Variants in EGFLAM observed in about 807,000 individuals in gnomAD.
The protein encoded by EGFLAM is EGF like, fibronectin type III and laminin G domains.
EGFLAM carries 79 observed loss-of-function variants against 113.1 expected under a neutral mutation model. The observed-to-expected ratio is 0.70, with a 90% CI of 0.58 to 0.84. The LOEUF (loss-of-function observed/expected upper bound fraction) is 0.84, where lower values mean the gene tolerates loss of function less well. Ranked by LOEUF, EGFLAM falls within the 40% of genes least tolerant of loss-of-function variation. The pLI is 0.00. For missense variants in EGFLAM, 1,265 were observed against 1,291.6 expected (o/e 0.98, Z 0.32); for synonymous variants, 504 against 487.6 (o/e 1.03, Z -0.44).
chr5:38,403,907 C>T (rs145217235), intron 6 of EGFLAM: 27 of 1,613,706 alleles, frequency 1.7e-5, no homozygotes, highest in Middle Eastern at 3.3e-4. Context: ...AATCTGGCAT[C>T]GACAGGTTGA....
Position 38,452,954 on chromosome 5 carries a change from C to T in EGFLAM, c.2687+1496C>T, listed in dbSNP as rs141227233. Reference sequence around the variant, plus strand: ...AGCTTCCAAGGGGCAGGGCCTGTCTCGTGTAATATCAAAACACTTCTCTAG... The same window carrying T: ...AGCTTCCAAGGGGCAGGGCCTGTCTTGTGTAATATCAAAACACTTCTCTAG... On this transcript the variant is annotated intron_variant, in intron 19 of 21. Transcript: ENST00000322350. 4.7e-3 allele frequency among the ~76,000 whole-genome samples: 713 copies of T among 152,306 alleles called. 8 individuals are homozygous for T. Among genetic ancestry groups the T allele is most frequent in the African/African-American group, 0.016 (657 of 41,560 alleles).
At chr5:38,454,702 C>G (rs1329791937) in intron 19 of EGFLAM, among the ~76,000 whole-genome samples, 1 of 152,168 alleles carries the variant, frequency 6.6e-6, no homozygotes, top group Non-Finnish European at 1.5e-5. Context: ...ACAAATCGTT[C>G]TTGAGGTTTC....
chr5:38,375,362 G>A (rs1041890450), intron 6 of EGFLAM, among the ~76,000 whole-genome samples: 4 of 152,016 alleles, frequency 2.6e-5, no homozygotes, highest in Non-Finnish European at 2.9e-5. Context: ...CCCCATTCTC[G>A]TCCCTCTCAC....
At position 38,464,095 on chromosome 5, in the gene EGFLAM, C is replaced by T; in HGVS notation, c.*109C>T. On this transcript the variant is annotated 3_prime_UTR_variant, in exon 22 of 22. Coordinates refer to ENST00000322350, the MANE Select transcript of EGFLAM (RefSeq NM_152403.4). ...GAGGCCCAGGGACCAGGTGTGTTTC[C>T]TCTCACCAAGAAGAAAGTACACACT... 1 of 1,403,800 alleles carries T rather than the reference C, an allele frequency of 7.1e-7. No homozygotes were observed. Among genetic ancestry groups the T allele is most frequent in the Non-Finnish European group, 9.6e-7 (1 of 1,036,770 alleles). 87.0% of individuals were successfully genotyped at this position (1,403,800 alleles called of 1,614,324 possible).
rs17339367 is a variant in EGFLAM at position 38,338,659 on chromosome 5, C to A, written c.208-39C>A. 7 of 1,593,952 alleles carry A rather than the reference C, an allele frequency of 4.4e-6. No homozygotes were observed. The South Asian group carries it at 6.6e-5, about 15-fold the overall frequency. ...TACAACCTTTGATCTTACACAAGCA[C>A]GGGCTCTGCTCTCACCAGGGTGTCT... On this transcript the variant is annotated intron_variant, in intron 2 of 21. Coordinates refer to ENST00000322350, the MANE Select transcript of EGFLAM (RefSeq NM_152403.4).
rs931451971 is a variant in EGFLAM, at chr5:38,384,180, G to GA, written c.712+13724dup. Among the ~76,000 whole-genome samples, 11 of 151,948 alleles carry GA rather than the reference G, an allele frequency of 7.2e-5. 1 individual carries two copies. Among genetic ancestry groups the GA allele is most frequent in the South Asian group, 6.2e-4 (3 of 4,822 alleles). On this transcript the variant is annotated intron_variant, in intron 6 of 21. Transcript: ENST00000322350. ...GCTTTAAGGAGAACAGACATGAAAA[G>GA]AAAAAAGAGGTAGAGTGCCAAATGG...
intron 5 of EGFLAM, among the ~76,000 whole-genome samples, chr5:38,358,258 A>G (rs1739816428): frequency 6.6e-6 from 1 of 151,636 alleles, no homozygotes; most frequent in African/African-American, 2.4e-5. Context: ...AGCCTGGCTA[A>G]CACGATGAAA....
intron 8 of EGFLAM, 103 bp downstream of exon 8, chr5:38,407,249 A>G (rs1741320501): frequency 8.0e-7 from 1 of 1,249,634 alleles, no homozygotes. Context: ...TCCCTTCTCC[A>G]AGATAAGTAC....
At chr5:38,459,032 CT>C (rs896965081) in intron 20 of EGFLAM, among the ~76,000 whole-genome samples, 1 of 151,304 alleles carries the variant, frequency 6.6e-6, no homozygotes, top group African/African-American at 2.4e-5. Flanking sequence ...CTCCCTCTGG[CT>C]TTTTTTTGTT....
rs191207708 is a variant in EGFLAM, at chr5:38,330,171, A to G, written c.98-7349A>G. ...ACTATAATGCAAAGGCTGGAAAAATAAAAACTACATTTTCCAGACTATCTT... is the reference window on the plus strand; with the variant it reads ...ACTATAATGCAAAGGCTGGAAAAATGAAAACTACATTTTCCAGACTATCTT... On this transcript the variant is annotated intron_variant, in intron 1 of 21. Transcript: ENST00000322350. 1.2e-4 allele frequency among the ~76,000 whole-genome samples: 18 copies of G among 152,322 alleles called. No individual in the cohort carries two copies. The East Asian group carries it at 3.5e-3, about 29-fold the overall frequency.
At chr5:38,363,720 T>G (rs998804906) in intron 5 of EGFLAM, among the ~76,000 whole-genome samples, 5 of 152,240 alleles carry the variant, frequency 3.3e-5, no homozygotes, top group Non-Finnish European at 7.3e-5. Flanking sequence ...ACCTATATAT[T>G]TGATGCCTTT....
rs567670302 is a variant in EGFLAM, at chr5:38,376,143, TG to T, written c.712+5686del. On this transcript the variant is annotated intron_variant, in intron 6 of 21. Transcript: ENST00000322350. The stretch of plus-strand genomic sequence containing the variant: ...AAATCAGGCAGTTGGAGTGCAGAAC[TG>T]GGGGCTTTGTAAAAAATGTATTCAC... 6.3e-4 allele frequency among the ~76,000 whole-genome samples: 96 copies of T among 152,234 alleles called. 1 individual carries two copies. In the South Asian group the frequency reaches 0.013, roughly 21 times the overall value.
At chr5:38,279,931 G>A (rs898227636) in intron 1 of EGFLAM, among the ~76,000 whole-genome samples, 7 of 152,014 alleles carry the variant, frequency 4.6e-5, no homozygotes, top group African/African-American at 9.7e-5. Flanking sequence ...AGATTTAACC[G>A]TTCCACAATG....
chr5:38,345,036 A>C (rs1222125381), intron 3 of EGFLAM, among the ~76,000 whole-genome samples: 1 of 152,192 alleles, frequency 6.6e-6, no homozygotes, highest in Non-Finnish European at 1.5e-5. Context: ...AATGGAGGGA[A>C]TGGAAAAGGC....
At chr5:38,260,475 T>C (rs1267061089) in intron 1 of EGFLAM, among the ~76,000 whole-genome samples, 2 of 152,228 alleles carry the variant, frequency 1.3e-5, no homozygotes, top group Non-Finnish European at 2.9e-5. Flanking sequence ...TTGGAGTTCT[T>C]CTCCTAAAAA....
At chr5:38,344,414 A>G in intron 3 of EGFLAM, among the ~76,000 whole-genome samples, 1 of 150,762 alleles carries the variant, frequency 6.6e-6, no homozygotes, top group East Asian at 2.0e-4. Context: ...TGAACCTGGG[A>G]GGCAGTTGCA....
intron 3 of EGFLAM, among the ~76,000 whole-genome samples, chr5:38,348,080 A>G (rs948362665): frequency 6.6e-6 from 1 of 151,988 alleles, no homozygotes; most frequent in Admixed American, 6.5e-5. Flanking sequence ...GAAGGCAAGC[A>G]GTGAAGCTAT....
chr5:38,464,333 G>GA lies in EGFLAM; in HGVS notation c.*348dup, dbSNP rs1743397374. The GA allele has an allele frequency of 4.7e-6, 1 of 211,630 alleles. No homozygotes were observed. Among genetic ancestry groups the GA allele is most frequent in the African/African-American group, 2.3e-5 (1 of 44,036 alleles). The allele number at this position is 211,630 out of a possible 1,614,324, so 13.1% of individuals were successfully genotyped here. The stretch of plus-strand genomic sequence containing the variant: ...TGTGATTCATAGTACATTAAAAAGA[G>GA]AGAGAGAGAGAAAGAATCCCACAGG... On this transcript the variant is annotated 3_prime_UTR_variant, in exon 22 of 22. Transcript: ENST00000322350.
rs533507144 is a variant in EGFLAM at position 38,273,284 on chromosome 5, C to T, written c.97+14433C>T. 3.0e-4 allele frequency among the ~76,000 whole-genome samples: 45 copies of T among 152,324 alleles called. No homozygotes were observed. In the South Asian group the frequency reaches 4.8e-3, roughly 16 times the overall value. ...CCCAGCACTGGGAAGTCCTACACAG[C>T]CCGATGACAGGCTGATACCCACAGA... On this transcript the variant is annotated intron_variant, in intron 1 of 21. Coordinates refer to ENST00000322350, the MANE Select transcript of EGFLAM (RefSeq NM_152403.4).
Sources: allele counts gnomAD v4.1 joint callset (sites outside exome capture counted in the v4.1 genomes callset), GRCh38; gene constraint gnomAD v4.1.1; transcripts MANE v1.5; gene names NCBI Gene and HGNC (gene_info 2026-07-23, HGNC 2026-07-21).